Variants in SLC15A5 observed in about 807,000 individuals in gnomAD.
SLC15A5 encodes solute carrier family 15 member 5.
Under a neutral mutation model 56.1 loss-of-function variants are expected in SLC15A5, and 58 were observed. The ratio of observed to expected loss-of-function variants is 1.03; its 90% CI spans 0.84 to 1.29. The LOEUF is 1.29. Among genes scored for constraint, SLC15A5 ranks in the 50% most tolerant of loss-of-function variants. The pLI is 0.00. For synonymous variants in SLC15A5, 264 were observed against 250.5 expected, an observed-to-expected ratio of 1.05 and a Z score of -0.51; for missense variants, 681 against 672.1, an observed-to-expected ratio of 1.01 and a Z score of -0.15.
At chr12:16,274,351 G>A (rs79436085) in intron 1 of SLC15A5, among the ~76,000 whole-genome samples, 2,601 of 151,956 alleles carry the variant, frequency 0.017, 75 homozygotes, top group African/African-American at 0.059. Flanking sequence ...TTGATGATTC[G>A]ATTAGTGAAA....
Position 16,237,408 on chromosome 12 carries a change from A to G in SLC15A5, c.1162+2273T>C, listed in dbSNP as rs1228337222. ...CAACTGAAATCAGTATTCTGTACCC[A>G]GTGGAACGTAGCTTAGTTTCTTTTG... On this transcript the variant is annotated intron_variant, in intron 5 of 8. Transcript: ENST00000344941. The surrounding 1 kb of genome is among the most constrained non-coding windows in gnomAD (Gnocchi z 4.1). Among the ~76,000 whole-genome samples the G allele has an allele frequency of 1.3e-5, 2 of 152,210 alleles. No homozygotes were observed. The highest frequency in any genetic ancestry group is 2.9e-5 in the Non-Finnish European group (2 of 68,026).
In SLC15A5 at chr12:16,211,029, C is replaced by CTA. The variant is rs560775021; in HGVS notation, c.1483+5862_1483+5863dup. Among the ~76,000 whole-genome samples the CTA allele has an allele frequency of 5.3e-5, 8 of 152,288 alleles. No individual in the cohort carries two copies. The South Asian group carries it at 1.7e-3, about 32-fold the overall frequency. On this transcript the variant is annotated intron_variant, in intron 7 of 8. Coordinates refer to ENST00000344941, the MANE Select transcript of SLC15A5 (RefSeq NM_001170798.1). The stretch of plus-strand genomic sequence containing the variant: ...TGACTTAGCCACAGGAACCAAGGCA[C>CTA]TAAACCAGTTGACAAGTAGAGTGTG...
rs191172681 is a variant in SLC15A5, at chr12:16,236,099, T to A, written c.1162+3582A>T. 9.5e-4 allele frequency among the ~76,000 whole-genome samples: 144 copies of A among 152,286 alleles called. 1 individual carries two copies. Among genetic ancestry groups the A allele is most frequent in the African/African-American group, 3.3e-3 (136 of 41,568 alleles). On this transcript the variant is annotated intron_variant, in intron 5 of 8. Transcript: ENST00000344941. ...GTACACTTCTGCTTTGTGTAAGCCTTAATAACAATCTTAATTAGGCTGATT... is the reference window on the plus strand; with the variant it reads ...GTACACTTCTGCTTTGTGTAAGCCTAAATAACAATCTTAATTAGGCTGATT...
chr12:16,277,179 A>T, intron 1 of SLC15A5, 146 bp downstream of exon 1: 1 of 818,590 alleles, frequency 1.2e-6, no homozygotes, highest in Non-Finnish European at 1.8e-6. Context: ...AAATAGTACA[A>T]AGAATGAAAT....
rs1671511 is a variant in SLC15A5, at chr12:16,216,894, A to T, written c.1482T>A (p.Asp494Glu). Residue 494 changes from aspartate (D) to glutamate (E), a missense_variant and splice_region_variant, in exon 7 of 9, where the codon GAT (aspartate) becomes GAA (glutamate). By Grantham distance (45) the Asp-to-Glu change is conservative (BLOSUM62 2). Coordinates refer to ENST00000344941, the MANE Select transcript of SLC15A5 (RefSeq NM_001170798.1). ...LLVKLVYLIS[D>E]GNWFPNTLNK... Reference sequence around the variant, plus strand: ...AGCATGCCACGAACCTATTTTTACCATCTGAGATGAGATATACCAACTTCA... The same window carrying T: ...AGCATGCCACGAACCTATTTTTACCTTCTGAGATGAGATATACCAACTTCA... 1,533,923 of 1,535,176 alleles carry T rather than the reference A, an allele frequency of 1. 766,347 individuals carry two copies. Among genetic ancestry groups the T allele is most frequent in the East Asian group, 1 (40,862 of 40,862 alleles).
At chr12:16,199,037 C>T (rs984069646) in intron 7 of SLC15A5, among the ~76,000 whole-genome samples, 2 of 152,002 alleles carry the variant, frequency 1.3e-5, no homozygotes, top group African/African-American at 4.8e-5. Flanking sequence ...GCCAGCTGCA[C>T]TCCACCCGGG....
At chr12:16,211,016 A>G (rs1864074660) in intron 7 of SLC15A5, among the ~76,000 whole-genome samples, 1 of 152,210 alleles carries the variant, frequency 6.6e-6, no homozygotes, top group Non-Finnish European at 1.5e-5. Flanking sequence ...ACTTAGCCAC[A>G]GGAACCAAGG....
intron 2 of SLC15A5, among the ~76,000 whole-genome samples, chr12:16,259,082 A>C (rs1170096214): frequency 8.3e-6 from 1 of 119,894 alleles, no homozygotes; most frequent in Non-Finnish European, 1.6e-5. Flanking sequence ...CCCAGGCTGG[A>C]ATGCAGTGGT....
At chr12:16,198,945 A>C (rs1373194528) in intron 7 of SLC15A5, among the ~76,000 whole-genome samples, 1 of 151,920 alleles carries the variant, frequency 6.6e-6, no homozygotes, top group African/African-American at 2.4e-5. Context: ...AGGTCTAACC[A>C]CATGTTCCCC....
At position 16,230,757 on chromosome 12, in the gene SLC15A5, C is replaced by CAAA. The variant is rs59876940; in HGVS notation, c.1163-6158_1163-6156dup. Among the ~76,000 whole-genome samples the CAAA allele has an allele frequency of 1.3e-3, 166 of 129,570 alleles. 3 individuals carry two copies. The East Asian group carries it at 0.026, about 21-fold the overall frequency. The allele number at this position is 129,570 out of a possible 152,430, so 85.0% of individuals were successfully genotyped here. A position where few individuals can be genotyped will look rare whatever the true frequency, so the allele number is the denominator to read the frequency against. On this transcript the variant is annotated intron_variant, in intron 5 of 8. Coordinates refer to ENST00000344941, the MANE Select transcript of SLC15A5 (RefSeq NM_001170798.1). The stretch of plus-strand genomic sequence containing the variant: ...TGAAACCCCATCTCTACTAAAAATA[C>CAAA]AAAAAAAAAAAAAAAAATAGCCGGG...
At chr12:16,239,550 C>G in intron 5 of SLC15A5, 131 bp downstream of exon 5, 1 of 901,078 alleles carries the variant, frequency 1.1e-6, no homozygotes. Context: ...TTATCAGTCA[C>G]AAATTCACCT....
intron 7 of SLC15A5, among the ~76,000 whole-genome samples, chr12:16,206,610 G>T (rs533148186): frequency 6.6e-6 from 1 of 152,262 alleles, no homozygotes; most frequent in South Asian, 2.1e-4. Context: ...TGAACTGTTT[G>T]CCTAAAGTCA....
chr12:16,265,314 T>C (rs1178879654), intron 2 of SLC15A5, among the ~76,000 whole-genome samples: 1 of 152,190 alleles, frequency 6.6e-6, no homozygotes, highest in African/African-American at 2.4e-5. Context: ...GAAAGATGTG[T>C]GAAGTTGAGC....
At chr12:16,223,154 T>C (rs1864204806) in intron 6 of SLC15A5, among the ~76,000 whole-genome samples, 2 of 105,160 alleles carry the variant, frequency 1.9e-5, no homozygotes, top group Non-Finnish European at 4.1e-5. Flanking sequence ...ATTAAATATT[T>C]ATTTTAAGGA....
rs1864218456 is a variant in SLC15A5 at position 16,224,426 on chromosome 12, C to G, written c.1339G>C (p.Val447Leu). The G allele has an allele frequency of 6.5e-7, 1 of 1,537,030 alleles. No homozygotes were observed. The highest frequency in any genetic ancestry group is 8.7e-7 in the Non-Finnish European group (1 of 1,146,788). The change falls in exon 6 of 9, where the codon GTA (valine) becomes CTA (leucine). Residue 447 changes from valine to leucine, a missense_variant. By Grantham distance (32) the Val-to-Leu change is conservative (BLOSUM62 1). Transcript: ENST00000344941. ...GGTGTTTACTCACGGGCTGGGTTTACCAGTGTTTCCGCCACTCCAAGTAAA... is the reference window on the plus strand; with the variant it reads ...GGTGTTTACTCACGGGCTGGGTTTAGCAGTGTTTCCGCCACTCCAAGTAAA... Reference protein sequence around the residue: ...YVLLGVAETLVNPALSVISYR... With the variant: ...YVLLGVAETLLNPALSVISYR...
rs886168526 is a variant in SLC15A5 at position 16,271,406 on chromosome 12, G to T, written c.584+1155C>A. ...AACCTCCGAATAGAATAAAAAAGAAGGATTTTTCTTTCTCCTTTGGGCAGG... is the reference window on the plus strand; with the variant it reads ...AACCTCCGAATAGAATAAAAAAGAATGATTTTTCTTTCTCCTTTGGGCAGG... On this transcript the variant is annotated intron_variant, in intron 2 of 8. Transcript: ENST00000344941. This position sits in a 1 kb window ranked among gnomAD's most constrained non-coding sequence, Gnocchi z 8.0. Among the ~76,000 whole-genome samples the T allele has an allele frequency of 5.9e-5, 9 of 152,094 alleles. No homozygotes were observed. The highest frequency in any genetic ancestry group is 1.5e-5 in the Non-Finnish European group (1 of 68,006).
chr12:16,260,586 G>A (rs150890461), intron 2 of SLC15A5, among the ~76,000 whole-genome samples: 134 of 151,574 alleles, frequency 8.8e-4, no homozygotes, highest in African/African-American at 3.1e-3. Context: ...TTCTACAAAT[G>A]TTTTCTTATA....
chr12:16,197,034 A>G (rs755748678), intron 7 of SLC15A5, among the ~76,000 whole-genome samples: 5 of 151,966 alleles, frequency 3.3e-5, no homozygotes, highest in Non-Finnish European at 5.9e-5. Context: ...TTAGAGAAAG[A>G]TAGTATAAAT....
In SLC15A5 at chr12:16,235,377, G is replaced by A. The variant is rs757409369; in HGVS notation, c.1162+4304C>T. Among the ~76,000 whole-genome samples, 5 of 150,486 alleles carry A rather than the reference G, an allele frequency of 3.3e-5. No homozygotes were observed. The highest frequency in any genetic ancestry group is 5.9e-5 in the Non-Finnish European group (4 of 67,668). On this transcript the variant is annotated intron_variant, in intron 5 of 8. Transcript: ENST00000344941. The surrounding 1 kb of genome is among the most constrained non-coding windows in gnomAD (Gnocchi z 4.1). ...ATCTTTTGTTTCTCTGTAGACCATT[G>A]GAATTCATTTCAGAAGACCCAGCTT...
Sources: allele counts gnomAD v4.1 joint callset (sites outside exome capture counted in the v4.1 genomes callset), GRCh38; gene constraint gnomAD v4.1.1; non-coding constraint Gnocchi (gnomAD v3.1); transcripts MANE v1.5; gene names NCBI Gene and HGNC (gene_info 2026-07-23, HGNC 2026-07-21).